SEC16B: variants seen among roughly 807,000 people sequenced by gnomAD.
SEC16B encodes SEC16 homolog B, endoplasmic reticulum export factor.
SEC16B carries 115 observed loss-of-function variants against 141.8 expected under a neutral mutation model. The observed-to-expected ratio is 0.81, with a 90% CI of 0.70 to 0.95. The LOEUF is 0.95. Ranked by LOEUF, SEC16B falls within the 40% of genes least tolerant of loss-of-function variation. SEC16B has a pLI of 0.00. For missense variants in SEC16B, 1,291 were observed against 1,312.3 expected (o/e 0.98, Z 0.25); for synonymous variants, 493 against 492.5 (o/e 1.00, Z -0.01).
intron 12 of SEC16B, among the ~76,000 whole-genome samples, chr1:177,949,540 G>C (rs920910923): frequency 3.3e-5 from 5 of 151,986 alleles, no homozygotes; most frequent in African/African-American, 1.2e-4. Context: ...GAGAGAGAGA[G>C]AGAGAAAGCA....
Position 177,967,968 on chromosome 1 carries a change from G to A in SEC16B, c.14C>T (p.Ala5Val), listed in dbSNP as rs1249445814. 1 of 1,605,098 alleles carries A rather than the reference G, an allele frequency of 6.2e-7. No individual in the cohort carries two copies. The highest frequency in any genetic ancestry group is 8.5e-7 in the Non-Finnish European group (1 of 1,172,900). The change falls in exon 2 of 26, where the codon GCT (alanine) becomes GTT (valine). Residue 5 changes from alanine to valine, a missense_variant. Transcript: ENST00000308284. ...TCGTGTCTGGGGCAGCCTCTGGGGA[G>A]CCCAAAGTTCCATCCTTGACTCTCT... is the stretch of plus-strand genomic sequence containing the variant. MELW[A>V]PQRLPQTRGK...
intron 13 of SEC16B, 30 bp from the exon 14 acceptor site, chr1:177,946,561 A>G: frequency 4.6e-6 from 7 of 1,510,400 alleles, no homozygotes; most frequent in African/African-American, 1.4e-5. Context: ...AGACCCAATC[A>G]CGGAGCACAC....
intron 1 of SEC16B, among the ~76,000 whole-genome samples, chr1:177,983,848 T>G (rs1040627131): frequency 6.6e-6 from 1 of 152,228 alleles, no homozygotes; most frequent in Non-Finnish European, 1.5e-5. Flanking sequence ...CTTTCCATAA[T>G]CAAACCTGCC....
rs143715986 is a variant in SEC16B at position 177,963,925 on chromosome 1, C to T, written c.642+246G>A. 5.6e-3 allele frequency among the ~76,000 whole-genome samples: 857 copies of T among 152,294 alleles called. 7 individuals carry two copies. The highest frequency in any genetic ancestry group is 0.019 in the African/African-American group (794 of 41,564). ...TGTTGGAGTGAGCTAGGTGACATTT[C>T]TTGATCCTGTCAATTTGATAAAAAT... On this transcript the variant is annotated intron_variant, in intron 5 of 25. Transcript: ENST00000308284.
chr1:177,949,383 A>AACAC (rs61635250), intron 12 of SEC16B, among the ~76,000 whole-genome samples: 6,278 of 136,666 alleles, frequency 0.046, 176 homozygotes, highest in Admixed American at 0.098. Context: ...TCCCTTGCTA[A>AACAC]ACACACACAC....
Position 177,938,031 on chromosome 1 carries a change from A to G in SEC16B, c.2204-518T>C, listed in dbSNP as rs1313145627. Among the ~76,000 whole-genome samples, 3 of 152,212 alleles carry G rather than the reference A, an allele frequency of 2.0e-5. No individual in the cohort carries two copies. In the East Asian group the frequency reaches 5.8e-4, roughly 29 times the overall value. On this transcript the variant is annotated intron_variant, in intron 18 of 25. Coordinates refer to ENST00000308284, the MANE Select transcript of SEC16B (RefSeq NM_033127.4). ...GTTAAGTCCCGCACCCCTACACCTT[A>G]AGAAAAAACTGCGTTCTCACGGCCA...
rs185165130 is a variant in SEC16B at position 177,963,196 on chromosome 1, C to G, written c.642+975G>C. Among the ~76,000 whole-genome samples the G allele has an allele frequency of 2.0e-3, 309 of 152,084 alleles. 1 individual carries two copies. Among genetic ancestry groups the G allele is most frequent in the African/African-American group, 7.1e-3 (295 of 41,550 alleles). ...TGTGGCTGCTGTCATTGTATTGTTA[C>G]TATTAGTCATAATAATATGTGCCCT... is the stretch of plus-strand genomic sequence containing the variant. On this transcript the variant is annotated intron_variant, in intron 5 of 25. Coordinates refer to ENST00000308284, the MANE Select transcript of SEC16B (RefSeq NM_033127.4).
chr1:177,932,512 A>ACC lies in SEC16B; in HGVS notation c.2988_2989dup (p.Val997GlyfsTer28). The ACC allele has an allele frequency of 6.4e-7, 1 of 1,550,684 alleles. No homozygotes were observed. The highest frequency in any genetic ancestry group is 1.2e-5 in the South Asian group (1 of 83,118). ...TACCTCTGGTCCAGACAAGCCTCCAACCCCAGCGCCCGCAGCTGCTCCCCC... is the reference window on the plus strand; with the variant it reads ...TACCTCTGGTCCAGACAAGCCTCCAACCCCCCAGCGCCCGCAGCTGCTCCCCC... On this transcript the variant is annotated frameshift_variant, in exon 24 of 26. Transcript: ENST00000308284. LOFTEE classifies it high-confidence loss of function.
At position 177,954,273 on chromosome 1, in the gene SEC16B, A is replaced by G. The variant is rs1351527441; in HGVS notation, c.1463+6T>C. ...CACTGGCCTCTTTTGTTAAGTCCTG[A>G]CTCACCCACTCATGACCCAGCTGTA... On this transcript the variant is annotated splice_donor_region_variant and intron_variant, in intron 11 of 25. Transcript: ENST00000308284. 4 of 1,558,356 alleles carry G rather than the reference A, an allele frequency of 2.6e-6. No homozygotes were observed. The highest frequency in any genetic ancestry group is 3.5e-6 in the Non-Finnish European group (4 of 1,150,308).
intron 9 of SEC16B, 71 bp from the exon 10 acceptor site, chr1:177,958,433 G>T: frequency 7.7e-7 from 1 of 1,296,512 alleles, no homozygotes; most frequent in South Asian, 1.7e-5. Context: ...GCTGGAGAAG[G>T]AAGGCACCAG....
At chr1:177,930,670 C>T (rs1557963919) in intron 24 of SEC16B, 27 bp from the exon 25 acceptor site, 1 of 1,543,858 alleles carries the variant, frequency 6.5e-7, no homozygotes, top group Non-Finnish European at 8.9e-7. Context: ...TGGAAAATCC[C>T]ATCAGTGCCT....
chr1:177,954,133 T>C (rs939001405), intron 11 of SEC16B, 146 bp downstream of exon 11: 5 of 562,258 alleles, frequency 8.9e-6, no homozygotes, highest in Non-Finnish European at 1.6e-5. Context: ...AGAAATGCTA[T>C]GTCCAGCTCA....
chr1:177,963,904 G>A lies in SEC16B; in HGVS notation c.642+267C>T, dbSNP rs557257772. 2.2e-4 allele frequency among the ~76,000 whole-genome samples: 34 copies of A among 152,288 alleles called. No homozygotes were observed. In the South Asian group the frequency reaches 7.1e-3, roughly 32 times the overall value. On this transcript the variant is annotated intron_variant, in intron 5 of 25. Coordinates refer to ENST00000308284, the MANE Select transcript of SEC16B (RefSeq NM_033127.4). ...AGCGTCCTCTCTTTCCCAGTATGTT[G>A]GAGTGAGCTAGGTGACATTTCTTGA...
chr1:177,981,641 A>C (rs1241191124), intron 1 of SEC16B, among the ~76,000 whole-genome samples: 2 of 152,122 alleles, frequency 1.3e-5, no homozygotes, highest in Non-Finnish European at 2.9e-5. Context: ...TAAACCAATC[A>C]CTTTAATAAA....
chr1:177,948,673 T>A, intron 12 of SEC16B: 1 of 1,267,292 alleles, frequency 7.9e-7, no homozygotes, highest in Non-Finnish European at 1.0e-6. Flanking sequence ...GCAGAAAATA[T>A]CAATAAAGAA....
rs547193721 is a variant in SEC16B at position 177,965,112 on chromosome 1, G to C, written c.468C>G (p.Tyr156Ter). The C allele has an allele frequency of 2.2e-5, 35 of 1,613,600 alleles. 1 individual carries two copies. In the South Asian group the frequency reaches 3.7e-4, roughly 17 times the overall value. The change falls in exon 4 of 26, where the codon TAC becomes TAG. Residue 156 changes from tyrosine to a stop codon, truncating the protein, a stop_gained. Transcript: ENST00000308284. LOFTEE classifies it high-confidence loss of function. ...GGTTTTCATAATGATGTTCATCAAG[G>C]TACTTTTGCTCTCGGTAATCTTCGT... Reference protein sequence around the residue: ...IWHEDYREQKYLDEHHYENQH... With the variant: ...IWHEDYREQK
In SEC16B at chr1:177,954,308, G is replaced by T; in HGVS notation, c.1434C>A (p.Asp478Glu). Residue 478 changes from aspartate (D) to glutamate (E), a missense_variant, in exon 11 of 26, where the codon GAC becomes GAA. Asp to Glu is a conservative substitution (Grantham distance 45). Transcript: ENST00000308284. ...TCATGACCCAGCTGTAGGTCTGTGG[G>T]TCCATCTTGCTGGACAGGAACAAAG... ...GHALFLSSKM[D>E]PQTYSWVMSG... The T allele has an allele frequency of 8.3e-6, 13 of 1,570,760 alleles. No homozygotes were observed. The highest frequency in any genetic ancestry group is 1.1e-5 in the Non-Finnish European group (13 of 1,157,068).
At chr1:177,932,609 A>C (rs764142667) in intron 23 of SEC16B, 40 bp from the exon 24 acceptor site, 10 of 1,509,604 alleles carry the variant, frequency 6.6e-6, no homozygotes, top group South Asian at 4.0e-5. Flanking sequence ...TCTGCTCAGG[A>C]CTGGGGGTCC....
At chr1:177,978,303 G>A (rs116717252) in intron 1 of SEC16B, among the ~76,000 whole-genome samples, 2,118 of 152,294 alleles carry the variant, frequency 0.014, 50 homozygotes, top group African/African-American at 0.049. Context: ...TGCACAATAA[G>A]TATTTGATAA....
Sources: allele counts gnomAD v4.1 joint callset (sites outside exome capture counted in the v4.1 genomes callset), GRCh38; gene constraint gnomAD v4.1.1; transcripts MANE v1.5; gene names NCBI Gene and HGNC (gene_info 2026-07-23, HGNC 2026-07-21).